The following CCDC171 variants were observed in gnomAD, a reference collection of about 807,000 sequenced individuals.
The protein encoded by CCDC171 is coiled-coil domain containing 171.
Under a neutral mutation model 168.2 loss-of-function variants are expected in CCDC171, and 177 were observed. The ratio of observed to expected loss-of-function variants is 1.05; its 90% CI spans 0.93 to 1.19. The LOEUF (loss-of-function observed/expected upper bound fraction) is 1.19, where lower values mean the gene tolerates loss of function less well. Among genes scored for constraint, CCDC171 ranks in the 50% most tolerant of loss-of-function variants. The pLI, the probability that CCDC171 is intolerant of heterozygous loss-of-function variation, is 0.00. For missense variants in CCDC171, 1,991 were observed against 1,539.0 expected (o/e 1.29, Z -4.91); for synonymous variants, 687 against 540.8 (o/e 1.27, Z -3.75).
rs1489984679 is a variant in CCDC171, at chr9:15,831,070, C to T, written c.3268-15632C>T. 1.3e-4 allele frequency among the ~76,000 whole-genome samples: 20 copies of T among 150,182 alleles called. No individual in the cohort carries two copies. The Admixed American group carries it at 1.3e-3, about 10-fold the overall frequency. On this transcript the variant is annotated intron_variant, in intron 21 of 25. Transcript: ENST00000380701. ...CTGCAAGCTCCACCTCCCAGGTTCA[C>T]ACCATTCTCCTGCCTCAGCCTCCTG...
At chr9:15,725,650 A>G (rs1314981449) in intron 14 of CCDC171, among the ~76,000 whole-genome samples, 2 of 151,994 alleles carry the variant, frequency 1.3e-5, no homozygotes, top group Non-Finnish European at 2.9e-5. Context: ...GGGTTTCACC[A>G]TGTTAGCCAG....
chr9:15,560,767 C>T (rs1021416622), intron 1 of CCDC171, among the ~76,000 whole-genome samples: 1 of 152,238 alleles, frequency 6.6e-6, no homozygotes, highest in South Asian at 2.1e-4. Flanking sequence ...AGCTTTGTTC[C>T]GTTGCTGGTG....
chr9:16,001,474 C>T (rs773634466), intron 3 of CCDC171, among the ~76,000 whole-genome samples: 6 of 151,680 alleles, frequency 4.0e-5, no homozygotes, highest in Non-Finnish European at 5.9e-5. Flanking sequence ...TGTGTGTGGG[C>T]GGGGGTAGGG....
intron 6 of CCDC171, among the ~76,000 whole-genome samples, chr9:15,616,202 T>G (rs1206421981): frequency 1.3e-5 from 2 of 152,154 alleles, no homozygotes; most frequent in Admixed American, 1.3e-4. Context: ...TCTGCCCCCT[T>G]TGGCCTCCCA....
chr9:16,059,324 T>A (rs531059611), intron 1 of CCDC171, among the ~76,000 whole-genome samples: 1 of 152,222 alleles, frequency 6.6e-6, no homozygotes, highest in Non-Finnish European at 1.5e-5. Context: ...GGGGTTGGAA[T>A]TCACACGAAT....
At chr9:15,991,812 TA>T (rs1832209973) in intron 3 of CCDC171, among the ~76,000 whole-genome samples, 1 of 152,076 alleles carries the variant, frequency 6.6e-6, no homozygotes, top group Admixed American at 6.6e-5. Flanking sequence ...TCTACACAAA[TA>T]AACTAGAAAA....
chr9:15,891,904 G>A (rs1323925082), intron 24 of CCDC171, among the ~76,000 whole-genome samples: 1 of 152,086 alleles, frequency 6.6e-6, no homozygotes, highest in African/African-American at 2.4e-5. Context: ...CTGAGTACCA[G>A]CATGTATGCT....
intron 24 of CCDC171, among the ~76,000 whole-genome samples, chr9:15,901,027 C>G (rs953088808): frequency 6.6e-6 from 1 of 152,166 alleles, no homozygotes; most frequent in Non-Finnish European, 1.5e-5. Flanking sequence ...TATATACATT[C>G]ATTCCTTAAT....
chr9:15,903,911 G>A (rs1257386268), intron 24 of CCDC171, among the ~76,000 whole-genome samples: 3 of 152,180 alleles, frequency 2.0e-5, no homozygotes. Flanking sequence ...TGATCAACTG[G>A]AAGAAAGGGT....
intron 7 of CCDC171, among the ~76,000 whole-genome samples, chr9:15,627,792 C>T (rs908340485): frequency 6.6e-6 from 1 of 152,160 alleles, no homozygotes; most frequent in Non-Finnish European, 1.5e-5. Flanking sequence ...AATGTATATT[C>T]TGTTGATTTT....
intron 1 of CCDC171, among the ~76,000 whole-genome samples, chr9:16,049,305 AT>A (rs1480349660): frequency 6.6e-6 from 1 of 152,198 alleles, no homozygotes; most frequent in East Asian, 1.9e-4. Context: ...TGTGGACTTA[AT>A]TTTAGGTGTC....
Position 15,954,690 on chromosome 9 carries a change from A to G in CCDC171, c.3754-16919A>G, listed in dbSNP as rs933454812. On this transcript the variant is annotated intron_variant, in intron 25 of 25. Transcript: ENST00000380701. ...GTTGATTTTTTTTTTGCCTGCTCAT[A>G]TTTGCTTTTGAATCACTGTAGTGAA... Among the ~76,000 whole-genome samples the G allele has an allele frequency of 4.1e-5, 6 of 147,524 alleles. No homozygotes were observed. In the Admixed American group the frequency reaches 4.1e-4, roughly 10 times the overall value.
chr9:15,602,308 T>C (rs1431097825), intron 6 of CCDC171, among the ~76,000 whole-genome samples: 1 of 151,898 alleles, frequency 6.6e-6, no homozygotes, highest in Admixed American at 6.6e-5. Flanking sequence ...TAGTTTTACA[T>C]ACTATAATTA....
At chr9:15,574,147 CTT>C (rs1318084639) in intron 3 of CCDC171, among the ~76,000 whole-genome samples, 1 of 145,004 alleles carries the variant, frequency 6.9e-6, no homozygotes, top group African/African-American at 2.5e-5. Flanking sequence ...TTCTCTTTTT[CTT>C]TTTTTTTTTG....
chr9:15,789,656 A>G (rs34512145), intron 21 of CCDC171, among the ~76,000 whole-genome samples: 72,164 of 151,902 alleles, frequency 0.48, 17,383 homozygotes, highest in East Asian at 0.65. Flanking sequence ...CAACGTGCAG[A>G]GTTGTTACAT....
chr9:15,962,973 C>G (rs958972170), intron 25 of CCDC171, among the ~76,000 whole-genome samples: 3 of 151,878 alleles, frequency 2.0e-5, no homozygotes, highest in East Asian at 1.9e-4. Context: ...ATATATTTCT[C>G]TATCAGCCTT....
rs1289671067 is a variant in CCDC171, at chr9:15,688,540, C to G, written c.1216-6695C>G. Among the ~76,000 whole-genome samples the G allele has an allele frequency of 3.9e-5, 6 of 152,280 alleles. No homozygotes were observed. In the East Asian group the frequency reaches 1.2e-3, roughly 29 times the overall value. On this transcript the variant is annotated intron_variant, in intron 10 of 25. Transcript: ENST00000380701. ...TACACCATGATCAAGTGGGATTTAT[C>G]TCAGGAATGTAATACTAGTTTAACA...
chr9:15,805,227 C>T (rs542246624), intron 21 of CCDC171, among the ~76,000 whole-genome samples: 3 of 151,602 alleles, frequency 2.0e-5, no homozygotes, highest in African/African-American at 7.3e-5. Context: ...AATGGTTTTT[C>T]CTGTCTCTAT....
chr9:16,066,733 T>C, the CCDC171 span, among the ~76,000 whole-genome samples: 1 of 150,348 alleles, frequency 6.7e-6, no homozygotes, highest in African/African-American at 2.5e-5. Context: ...GTTCTTGCGA[T>C]AGTTTACTGA....
Sources: gnomAD v4.1 joint callset for allele counts (sites outside exome capture counted in the v4.1 genomes callset) on GRCh38, gnomAD v4.1.1 for gene constraint, MANE v1.5 for transcripts, NCBI Gene and HGNC (gene_info 2026-07-23, HGNC 2026-07-21) for gene names.